TMCC1: variants seen among roughly 807,000 people sequenced by gnomAD.
The protein encoded by TMCC1 is transmembrane and coiled-coil domain family 1, also known as transmembrane and coiled-coil domains protein 1.
In TMCC1, 15 loss-of-function variants were observed where a neutral mutation model predicts 52.4. The ratio of observed to expected loss-of-function variants is 0.29; its 90% CI spans 0.19 to 0.44. TMCC1 has a LOEUF of 0.44. TMCC1 is among the 20% of genes least tolerant of loss of function. TMCC1 has a pLI of 1.00. For missense variants in TMCC1, 503 were observed against 806.0 expected (o/e 0.62, Z 4.55); for synonymous variants, 279 against 301.9 (o/e 0.92, Z 0.79).
intron 5 of TMCC1, among the ~76,000 whole-genome samples, chr3:129,664,044 C>T (rs570618574): frequency 9.2e-5 from 14 of 152,296 alleles, no homozygotes; most frequent in Admixed American, 4.6e-4. Context: ...CCCTCCATTC[C>T]TCTTTAGCGG....
At chr3:129,855,553 A>G (rs1430813620) in intron 2 of TMCC1, among the ~76,000 whole-genome samples, 1 of 151,902 alleles carries the variant, frequency 6.6e-6, no homozygotes, top group Non-Finnish European at 1.5e-5. Context: ...TGGATGAAAA[A>G]CTCTCTTTGA....
chr3:129,880,099 G>A (rs1405903365), intron 2 of TMCC1, among the ~76,000 whole-genome samples: 3 of 152,116 alleles, frequency 2.0e-5, no homozygotes, highest in Admixed American at 6.6e-5. Context: ...TAACATTCAG[G>A]AAGAATGTAG....
At chr3:129,875,262 G>A (rs2061139849) in intron 2 of TMCC1, among the ~76,000 whole-genome samples, 1 of 151,720 alleles carries the variant, frequency 6.6e-6, no homozygotes, top group Non-Finnish European at 1.5e-5. Context: ...GCTGAGGCAG[G>A]TGATCACCTA....
At chr3:129,783,864 T>C (rs1311110426) in intron 4 of TMCC1, among the ~76,000 whole-genome samples, 1 of 152,226 alleles carries the variant, frequency 6.6e-6, no homozygotes, top group African/African-American at 2.4e-5. Flanking sequence ...ATACCTATTA[T>C]TCAAGAAGTA....
intron 4 of TMCC1, among the ~76,000 whole-genome samples, chr3:129,784,048 G>A (rs1172070622): frequency 6.6e-6 from 1 of 152,158 alleles, no homozygotes; most frequent in African/African-American, 2.4e-5. Flanking sequence ...ATGAAAACTG[G>A]ATTAGACGTA....
chr3:129,726,809 C>A (rs2050123428), intron 4 of TMCC1, among the ~76,000 whole-genome samples: 1 of 127,332 alleles, frequency 7.9e-6, no homozygotes, highest in South Asian at 2.6e-4. Context: ...CCAGAGGTTG[C>A]AGTGAGCTGA....
rs185623226 is a variant in TMCC1, at chr3:129,765,050, C to G, written c.576+62753G>C. On this transcript the variant is annotated intron_variant, in intron 4 of 6. Coordinates refer to ENST00000393238, the MANE Select transcript of TMCC1 (RefSeq NM_001017395.5). ...CTCCTGGCCAAAAGCGATCCTCCCTCCTCCACCTCCCAAAGCATTGGGATT... is the reference window on the plus strand; with the variant it reads ...CTCCTGGCCAAAAGCGATCCTCCCTGCTCCACCTCCCAAAGCATTGGGATT... Among the ~76,000 whole-genome samples the G allele has an allele frequency of 4.6e-5, 7 of 151,158 alleles. No individual in the cohort carries two copies. In the East Asian group the frequency reaches 1.4e-3, roughly 29 times the overall value.
chr3:129,819,869 A>G (rs542944960), intron 4 of TMCC1: 2 of 152,118 alleles, frequency 1.3e-5, no homozygotes, highest in African/African-American at 4.8e-5. Flanking sequence ...GAAACACTCC[A>G]TATTTTTTAT....
At chr3:129,871,369 A>T (rs1247088997) in intron 2 of TMCC1, among the ~76,000 whole-genome samples, 1 of 150,724 alleles carries the variant, frequency 6.6e-6, no homozygotes, top group Non-Finnish European at 1.5e-5. Flanking sequence ...CTGTCTCAAA[A>T]AAAAAAAAAA....
At chr3:129,672,226 A>G (rs1028443494) in intron 4 of TMCC1, among the ~76,000 whole-genome samples, 38 of 152,176 alleles carry the variant, frequency 2.5e-4, no homozygotes, top group Non-Finnish European at 2.9e-5. Context: ...ATTCAGGACA[A>G]AAAAATCCTT....
At chr3:129,726,074 G>A (rs762330497) in intron 4 of TMCC1, among the ~76,000 whole-genome samples, 1 of 152,120 alleles carries the variant, frequency 6.6e-6, no homozygotes, top group Non-Finnish European at 1.5e-5. Flanking sequence ...TGTATGTACA[G>A]GTACAGACTT....
At chr3:129,874,117 A>C (rs1481787080) in intron 2 of TMCC1, among the ~76,000 whole-genome samples, 1 of 152,240 alleles carries the variant, frequency 6.6e-6, no homozygotes, top group Non-Finnish European at 1.5e-5. Flanking sequence ...AGTAAGGACC[A>C]GGAATCAGGG....
chr3:129,886,517 G>A (rs952870548), intron 1 of TMCC1, among the ~76,000 whole-genome samples: 1 of 152,142 alleles, frequency 6.6e-6, no homozygotes, highest in Non-Finnish European at 1.5e-5. Flanking sequence ...ACAGCCTACT[G>A]ATGAACAGGT....
chr3:129,654,880 C>G, intron 6 of TMCC1, 88 bp downstream of exon 6: 540 of 1,402,370 alleles, frequency 3.9e-4, no homozygotes, highest in Non-Finnish European at 4.8e-4. Context: ...TTGTTCTCTA[C>G]CTTCTCATCT....
At chr3:129,769,633 G>A (rs2054393722) in intron 4 of TMCC1, among the ~76,000 whole-genome samples, 1 of 148,230 alleles carries the variant, frequency 6.7e-6, no homozygotes, top group African/African-American at 2.5e-5. Context: ...TTCTTCCAAT[G>A]TGGTGTAGGG....
chr3:129,732,619 T>C (rs892027240), intron 4 of TMCC1, among the ~76,000 whole-genome samples: 1 of 152,176 alleles, frequency 6.6e-6, no homozygotes. Context: ...TGTTATTTAC[T>C]CTGCTCAGCC....
chr3:129,857,239 T>C (rs1267496381), intron 2 of TMCC1: 1 of 151,712 alleles, frequency 6.6e-6, no homozygotes, highest in Non-Finnish European at 1.5e-5. Context: ...GGGATTTTAT[T>C]AGGGGCTTAC....
At chr3:129,802,461 C>T (rs1347286300) in intron 4 of TMCC1, among the ~76,000 whole-genome samples, 4 of 152,158 alleles carry the variant, frequency 2.6e-5, no homozygotes, top group African/African-American at 4.8e-5. Context: ...TACAATACCA[C>T]TGTAAGAACT....
chr3:129,760,451 G>T (rs1478441865), intron 4 of TMCC1, among the ~76,000 whole-genome samples: 2 of 68,754 alleles, frequency 2.9e-5, no homozygotes. Flanking sequence ...AGACAGTCTC[G>T]CTCTGTGTGT....
Sources: gnomAD v4.1 joint callset for allele counts (sites outside exome capture counted in the v4.1 genomes callset) on GRCh38, gnomAD v4.1.1 for gene constraint, MANE v1.5 for transcripts, NCBI Gene and HGNC (gene_info 2026-07-23, HGNC 2026-07-21) for gene names.